TIGD7: variants seen among roughly 807,000 people sequenced by gnomAD.
The protein encoded by TIGD7 is tigger transposable element-derived protein 7.
Under a neutral mutation model 24.8 loss-of-function variants are expected in TIGD7, and 26 were observed. The ratio of observed to expected loss-of-function variants is 1.05; its 90% CI spans 0.77 to 1.45. TIGD7 has a LOEUF of 1.45. Ranked by LOEUF, TIGD7 falls within the 40% of genes most tolerant of loss-of-function variation. The pLI is 0.00. For synonymous variants in TIGD7, 221 were observed against 224.1 expected, an observed-to-expected ratio of 0.99 and a Z score of 0.12; for missense variants, 679 against 641.6, an observed-to-expected ratio of 1.06 and a Z score of -0.63.
chr16:3,303,447 A>G (rs978441019), intron 1 of TIGD7, among the ~76,000 whole-genome samples: 1 of 152,200 alleles, frequency 6.6e-6, no homozygotes, highest in Non-Finnish European at 1.5e-5. Flanking sequence ...TTATATATTC[A>G]GCATTGGGCC....
chr16:3,299,890 G>A lies in TIGD7; in HGVS notation c.725C>T (p.Thr242Ile), dbSNP rs769582777. 8.1e-6 allele frequency: 13 copies of A among 1,607,636 alleles called. No homozygotes were observed. Among genetic ancestry groups the A allele is most frequent in the African/African-American group, 1.3e-5 (1 of 74,572 alleles). ...TTTATATATCACAGGCAATGTACTT[G>A]TGTCCTCTTTCACACTTTTGGGCAG... ...SKLPKSVKED[T>I]STLPVIYKPS... Residue 242 changes from threonine (T) to isoleucine (I), a missense_variant, in exon 2 of 2, where the codon ACA (threonine) becomes ATA (isoleucine). Thr to Ile is a moderately conservative substitution (Grantham distance 89). Coordinates refer to ENST00000396862, the MANE Select transcript of TIGD7 (RefSeq NM_033208.4).
Position 3,299,162 on chromosome 16 carries a change from C to T in TIGD7, c.1453G>A (p.Asp485Asn), listed in dbSNP as rs1396747598. The T allele has an allele frequency of 1.9e-6, 3 of 1,553,808 alleles. No individual in the cohort carries two copies. Among genetic ancestry groups the T allele is most frequent in the South Asian group, 1.3e-5 (1 of 79,804 alleles). The change falls in exon 2 of 2, where the codon GAC becomes AAC. Residue 485 changes from aspartate (D) to asparagine (N), a missense_variant. Physicochemically the swap from Asp to Asn is conservative, Grantham distance 23. Transcript: ENST00000396862. ...FKLSAVRESL[D>N]YLLDFVDATP... Reference sequence around the variant, plus strand: ...GCATCAACAAAGTCAAGAAGGTAGTCCAAACTCTCTCTTACAGCAGATAAT... The same window carrying T: ...GCATCAACAAAGTCAAGAAGGTAGTTCAAACTCTCTCTTACAGCAGATAAT...
rs1377265385 is a variant in TIGD7 at position 3,299,183 on chromosome 16, A to G, written c.1432T>C (p.Ser478Pro). The part of the protein sequence containing the change: ...AEKQTAEFKL[S>P]AVRESLDYLL... ...TAGTCCAAACTCTCTCTTACAGCAG[A>G]TAATTTAAATTCAGCAGTCTGCTTC... Residue 478 changes from serine to proline, a missense_variant, in exon 2 of 2, where the codon TCT becomes CCT. By Grantham distance (74) the Ser-to-Pro change is moderately conservative. Transcript: ENST00000396862. 5.6e-5 allele frequency: 89 copies of G among 1,592,024 alleles called. No individual in the cohort carries two copies. Among genetic ancestry groups the G allele is most frequent in the Non-Finnish European group, 7.3e-5 (85 of 1,171,930 alleles).
rs372035499 is a variant in TIGD7 at position 3,299,957 on chromosome 16, C to T, written c.658G>A (p.Gly220Arg). ...ATGATTGACTTTAATTTATGAGTTCCGTCTGCATTTGCACATAAAAAGGCA... is the reference window on the plus strand; with the variant it reads ...ATGATTGACTTTAATTTATGAGTTCTGTCTGCATTTGCACATAAAAAGGCA... ...LSAFLCANADGTHKLKSIIIG... is the reference protein window; with the variant it reads ...LSAFLCANADRTHKLKSIIIG... Residue 220 changes from glycine to arginine, a missense_variant, in exon 2 of 2, where the codon GGA (glycine) becomes AGA (arginine). Transcript: ENST00000396862. 123 of 1,613,538 alleles carry T rather than the reference C, an allele frequency of 7.6e-5. No individual in the cohort carries two copies. Among genetic ancestry groups the T allele is most frequent in the Non-Finnish European group, 1.0e-4 (120 of 1,179,914 alleles).
intron 1 of TIGD7, chr16:3,304,658 A>AGACT (rs1295706905): frequency 3.3e-5 from 5 of 152,276 alleles, no homozygotes; most frequent in African/African-American, 1.2e-4. Context: ...CAACTGGTAC[A>AGACT]GACTGACATT....
Position 3,299,597 on chromosome 16 carries a change from G to A in TIGD7, c.1018C>T (p.Arg340Trp), listed in dbSNP as rs375344719. Reference sequence around the variant, plus strand: ...TCAAGTTGCTTCCATCTATACAGCCGTTTGCAGCTCAAGATCACACCTTGA... The same window carrying A: ...TCAAGTTGCTTCCATCTATACAGCCATTTGCAGCTCAAGATCACACCTTGA... The part of the protein sequence containing the change: ...MNQGVILSCK[R>W]LYRWKQLEES... Residue 340 changes from arginine (R) to tryptophan (W), a missense_variant, in exon 2 of 2, where the codon CGG (arginine) becomes TGG (tryptophan). Physicochemically the swap from Arg to Trp is moderately radical, Grantham distance 101. Coordinates refer to ENST00000396862, the MANE Select transcript of TIGD7 (RefSeq NM_033208.4). 1.0e-4 allele frequency: 155 copies of A among 1,556,400 alleles called. 1 individual carries two copies. In the South Asian group the frequency reaches 1.7e-3, roughly 17 times the overall value.
chr16:3,299,447 C>T lies in TIGD7; in HGVS notation c.1168G>A (p.Val390Ile). The T allele has an allele frequency of 6.4e-7, 1 of 1,559,012 alleles. No homozygotes were observed. The highest frequency in any genetic ancestry group is 8.7e-7 in the Non-Finnish European group (1 of 1,155,276). The change falls in exon 2 of 2, where the codon GTA becomes ATA. Residue 390 changes from valine (V) to isoleucine (I), a missense_variant. Coordinates refer to ENST00000396862, the MANE Select transcript of TIGD7 (RefSeq NM_033208.4). ...IFNWAKSWEE[V>I]KQITIANAWE... is the part of the protein sequence containing the mutation. ...GCATTTGCTATGGTTATTTGTTTTA[C>T]TTCTTCCCAACTTTTTGCCCAGTTA...
chr16:3,302,578 T>A (rs774075541), intron 1 of TIGD7, among the ~76,000 whole-genome samples: 18 of 152,204 alleles, frequency 1.2e-4, no homozygotes, highest in Non-Finnish European at 2.4e-4. Context: ...GTGGAGCCAA[T>A]GGCAGGCTAC....
Position 3,301,724 on chromosome 16 carries a change from C to CAG in TIGD7, c.-1112_-1111dup, listed in dbSNP as rs1959943871. ...TATATTTGAGATTTTGATTTCTCTTCAGTGTTTATTTTACTTAATTTGAAC... is the reference window on the plus strand; with the variant it reads ...TATATTTGAGATTTTGATTTCTCTTCAGAGTGTTTATTTTACTTAATTTGAAC... On this transcript the variant is annotated 5_prime_UTR_variant, in exon 2 of 2. Coordinates refer to ENST00000396862, the MANE Select transcript of TIGD7 (RefSeq NM_033208.4). 6.0e-6 allele frequency: 1 copy of CAG among 166,142 alleles called. No individual in the cohort carries two copies. Among genetic ancestry groups the CAG allele is most frequent in the Admixed American group, 6.6e-5 (1 of 15,260 alleles). 10.3% of individuals were successfully genotyped at this position (166,142 alleles called of 1,614,324 possible). A position where few individuals can be genotyped will look rare whatever the true frequency, so the allele number is the denominator to read the frequency against.
In TIGD7 at chr16:3,299,220, T is replaced by C. The variant is rs368329179; in HGVS notation, c.1395A>G (p.Gly465=). The C allele has an allele frequency of 6.8e-6, 11 of 1,607,136 alleles. No individual in the cohort carries two copies. In the African/African-American group the frequency reaches 1.5e-4, roughly 22 times the overall value. ...CAGCAGTCTGCTTCTCAGCTTCTCCTCCTTTTTGAACAACTTCCTTTGTTA... is the reference window on the plus strand; with the variant it reads ...CAGCAGTCTGCTTCTCAGCTTCTCCCCCTTTTTGAACAACTTCCTTTGTTA... ...GGITKEVVQK[G]GEAEKQTAEF... The change falls in exon 2 of 2, where the codon GGA becomes GGG. Residue 465 remains glycine (G), a synonymous_variant. Coordinates refer to ENST00000396862, the MANE Select transcript of TIGD7 (RefSeq NM_033208.4).
chr16:3,303,211 T>A (rs935610757), intron 1 of TIGD7, among the ~76,000 whole-genome samples: 19 of 152,214 alleles, frequency 1.2e-4, no homozygotes, highest in Non-Finnish European at 5.9e-5. Context: ...GGAATGTTTG[T>A]GGGCTTCAAA....
chr16:3,304,493 C>G (rs545997162), intron 1 of TIGD7, among the ~76,000 whole-genome samples: 42 of 152,294 alleles, frequency 2.8e-4, no homozygotes, highest in African/African-American at 9.9e-4. Flanking sequence ...TCAGTCCTTT[C>G]AAGAGATTGC....
rs752492090 is a variant in TIGD7, at chr16:3,299,720, G to C, written c.895C>G (p.Pro299Ala). The change falls in exon 2 of 2, where the codon CCG becomes GCG. Residue 299 changes from proline to alanine, a missense_variant. Physicochemically the swap from Pro to Ala is conservative, Grantham distance 27. Coordinates refer to ENST00000396862, the MANE Select transcript of TIGD7 (RefSeq NM_033208.4). Reference protein sequence around the residue: ...VRALLLLDSCPAHPSSESLTS... With the variant: ...VRALLLLDSCAAHPSSESLTS... ...AGGGATTCAGAGGAAGGATGAGCCG[G>C]GCAACTGTCCAGAAGTAACAATGCC... 1 of 1,535,602 alleles carries C rather than the reference G, an allele frequency of 6.5e-7. No individual in the cohort carries two copies. The highest frequency in any genetic ancestry group is 8.7e-7 in the Non-Finnish European group (1 of 1,146,032).
rs1192004118 is a variant in TIGD7, at chr16:3,299,392, G to C, written c.1223C>G (p.Pro408Arg). Residue 408 changes from proline to arginine, a missense_variant, in exon 2 of 2, where the codon CCT becomes CGT. Physicochemically the swap from Pro to Arg is moderately radical, Grantham distance 103. Coordinates refer to ENST00000396862, the MANE Select transcript of TIGD7 (RefSeq NM_033208.4). ...AWENLLYKKE[P>R]EYDFQGLEHG... Reference sequence around the variant, plus strand: ...TTCTAAGCCTTGAAAATCATATTCAGGTTCCTTTTTGTAAAGAAGATTTTC... The same window carrying C: ...TTCTAAGCCTTGAAAATCATATTCACGTTCCTTTTTGTAAAGAAGATTTTC... 3 of 1,550,488 alleles carry C rather than the reference G, an allele frequency of 1.9e-6. No individual in the cohort carries two copies. The highest frequency in any genetic ancestry group is 2.6e-6 in the Non-Finnish European group (3 of 1,150,014).
intron 1 of TIGD7, among the ~76,000 whole-genome samples, 170 bp from the exon 2 acceptor site, chr16:3,302,179 G>C (rs769671737): frequency 6.6e-5 from 10 of 151,844 alleles, no homozygotes; most frequent in African/African-American, 2.4e-4. Flanking sequence ...CCAGGCTGGA[G>C]TGCGATGCCG....
In TIGD7 at chr16:3,301,051, C is replaced by T. The variant is rs1245850439; in HGVS notation, c.-437G>A. 1 of 170,822 alleles carries T rather than the reference C, an allele frequency of 5.9e-6. No individual in the cohort carries two copies. The highest frequency in any genetic ancestry group is 2.4e-5 in the African/African-American group (1 of 41,488). The allele number at this position is 170,822 out of a possible 1,614,324, so 10.6% of individuals were successfully genotyped here. A position where few individuals can be genotyped will look rare whatever the true frequency, so the allele number is the denominator to read the frequency against. On this transcript the variant is annotated 5_prime_UTR_variant, in exon 2 of 2. Coordinates refer to ENST00000396862, the MANE Select transcript of TIGD7 (RefSeq NM_033208.4). ...CAGGTGTGATAAGTTTCCATAAAAA[C>T]TGATGCTTCAGAAGAAGGGAGCGTG...
In TIGD7 at chr16:3,300,529, T is replaced by C; in HGVS notation, c.86A>G (p.Lys29Arg). 1.2e-6 allele frequency: 2 copies of C among 1,613,848 alleles called. No homozygotes were observed. Among genetic ancestry groups the C allele is most frequent in the South Asian group, 1.1e-5 (1 of 91,004 alleles). The change falls in exon 2 of 2, where the codon AAA (lysine) becomes AGA (arginine). Residue 29 changes from lysine (K) to arginine (R), a missense_variant. Physicochemically the swap from Lys to Arg is conservative, Grantham distance 26 (BLOSUM62 2). Transcript: ENST00000396862. ...GATTCCAAATTCATCCATTACACTT[T>C]TAAGTGATCGTCCAGCTTCAATTCT... ...LSRIEAGRSL[K>R]SVMDEFGISK...
chr16:3,300,150 T>C lies in TIGD7; in HGVS notation c.465A>G (p.Pro155=). ...VLSSVSENVE[P]FRQKLSMIIK... ...TTATCATGGACAGTTTTTGTCGAAA[T>C]GGCTCAACATTTTCAGAAACTGAAC... Residue 155 remains proline, a synonymous_variant, in exon 2 of 2, where the codon CCA becomes CCG. Coordinates refer to ENST00000396862, the MANE Select transcript of TIGD7 (RefSeq NM_033208.4). The C allele has an allele frequency of 1.2e-6, 2 of 1,614,232 alleles. No homozygotes were observed. The highest frequency in any genetic ancestry group is 1.7e-6 in the Non-Finnish European group (2 of 1,180,046).
In TIGD7 at chr16:3,299,698, G is replaced by A. The variant is rs931422036; in HGVS notation, c.917C>T (p.Ser306Phe). Residue 306 changes from serine (S) to phenylalanine (F), a missense_variant, in exon 2 of 2, where the codon TCC becomes TTC. Physicochemically the swap from Ser to Phe is radical, Grantham distance 155 (BLOSUM62 -2). Transcript: ENST00000396862. ...DSCPAHPSSE[S>F]LTSEDGRIKC... is the part of the protein sequence containing the mutation. ...TATTCGACCATCCTCACTGGTTAGG[G>A]ATTCAGAGGAAGGATGAGCCGGGCA... 6 of 1,538,438 alleles carry A rather than the reference G, an allele frequency of 3.9e-6. No individual in the cohort carries two copies. The Admixed American group carries it at 8.8e-5, about 23-fold the overall frequency.
Sources: allele counts gnomAD v4.1 joint callset (sites outside exome capture counted in the v4.1 genomes callset), GRCh38; gene constraint gnomAD v4.1.1; transcripts MANE v1.5; gene names NCBI Gene and HGNC (gene_info 2026-07-23, HGNC 2026-07-21).